The following FERRY3 variants were observed in gnomAD, a reference collection of about 807,000 sequenced individuals.
FERRY3 encodes protein C12orf4.
chr12:4,493,758 A>T, the FERRY3 span, among the ~76,000 whole-genome samples: 1 of 152,120 alleles, frequency 6.6e-6, no homozygotes, highest in Non-Finnish European at 1.5e-5. Flanking sequence ...ACTTCCTCCT[A>T]GTGAAAAGAT....
the FERRY3 span, among the ~76,000 whole-genome samples, chr12:4,532,845 A>G: frequency 1.3e-4 from 20 of 152,226 alleles, no homozygotes; most frequent in South Asian, 3.7e-3. Flanking sequence ...GATGTACCTT[A>G]TATTACCCAC....
the FERRY3 span, among the ~76,000 whole-genome samples, chr12:4,493,742 T>G: frequency 2.6e-5 from 4 of 152,186 alleles, no homozygotes; most frequent in African/African-American, 7.2e-5. Context: ...TTGGTTTTTT[T>G]GTATTACTTC....
chr12:4,537,358 C>T, the FERRY3 span, among the ~76,000 whole-genome samples: 1 of 152,174 alleles, frequency 6.6e-6, no homozygotes, highest in Non-Finnish European at 1.5e-5. Context: ...AATCATGGCA[C>T]TTATCACGCT....
At chr12:4,489,601 G>T in the FERRY3 span, 1 of 370,210 alleles carries the variant, frequency 2.7e-6, no homozygotes, top group Non-Finnish European at 4.9e-6. Flanking sequence ...TTCATAAAGA[G>T]ACTTTAAGTG....
At chr12:4,517,303 A>T in the FERRY3 span, 1 of 1,118,314 alleles carries the variant, frequency 8.9e-7, no homozygotes, top group Non-Finnish European at 1.2e-6. Flanking sequence ...TCTTAATAAG[A>T]TTTCTTATAC....
the FERRY3 span, chr12:4,525,151 G>A: frequency 1.4e-6 from 2 of 1,385,834 alleles, no homozygotes; most frequent in Non-Finnish European, 2.0e-6. Context: ...ACTTTCACTA[G>A]CAAATTAAAA....
At chr12:4,500,428 T>A in the FERRY3 span, 15 of 1,179,794 alleles carry the variant, frequency 1.3e-5, no homozygotes, top group Non-Finnish European at 1.5e-5. Context: ...TAATGGGCAA[T>A]CAATGTGTTG....
the FERRY3 span, among the ~76,000 whole-genome samples, chr12:4,491,755 G>C: frequency 6.6e-6 from 1 of 152,132 alleles, no homozygotes; most frequent in Non-Finnish European, 1.5e-5. Context: ...CCAAAACACT[G>C]ATAATCTTCC....
At chr12:4,534,323 A>G in the FERRY3 span, 1 of 1,574,626 alleles carries the variant, frequency 6.4e-7, no homozygotes, top group Non-Finnish European at 8.6e-7. Context: ...GACATCAAAC[A>G]CCATCGTCAG....
the FERRY3 span, among the ~76,000 whole-genome samples, chr12:4,532,986 A>G: frequency 6.6e-6 from 1 of 152,196 alleles, no homozygotes; most frequent in Non-Finnish European, 1.5e-5. Flanking sequence ...CTTGGCCTCA[A>G]TGATGCCTGG....
chr12:4,493,163 A>G, the FERRY3 span, among the ~76,000 whole-genome samples: 32 of 152,240 alleles, frequency 2.1e-4, 1 homozygote, highest in East Asian at 6.0e-3. Context: ...CTGAACTCCC[A>G]AAGTACTTTA....
the FERRY3 span, among the ~76,000 whole-genome samples, chr12:4,501,552 C>T: frequency 1.2e-4 from 18 of 152,258 alleles, no homozygotes; most frequent in African/African-American, 4.3e-4. Flanking sequence ...ATTAGATTCT[C>T]ACAGGAGCAC....
the FERRY3 span, among the ~76,000 whole-genome samples, chr12:4,516,843 A>C: frequency 6.6e-6 from 1 of 152,178 alleles, no homozygotes; most frequent in East Asian, 1.9e-4. Context: ...CTGTACATGC[A>C]CCCTGGAACT....
At chr12:4,534,944 G>A in the FERRY3 span, among the ~76,000 whole-genome samples, 4 of 152,192 alleles carry the variant, frequency 2.6e-5, no homozygotes, top group African/African-American at 9.6e-5. Context: ...TAAAGAAAAT[G>A]CTACAGATTT....
chr12:4,496,609 ATGAAAT>A, the FERRY3 span, among the ~76,000 whole-genome samples: 8 of 152,204 alleles, frequency 5.3e-5, no homozygotes, highest in Non-Finnish European at 8.8e-5. Flanking sequence ...ACCTATGAAA[ATGAAAT>A]TGAAATCTCA....
chr12:4,516,920 T>G, the FERRY3 span: 4 of 820,760 alleles, frequency 4.9e-6, no homozygotes, highest in Admixed American at 1.3e-4. Flanking sequence ...TCTTTCTAAA[T>G]AGAAAAAACT....
chr12:4,513,645 A>C, the FERRY3 span, among the ~76,000 whole-genome samples: 1 of 152,216 alleles, frequency 6.6e-6, no homozygotes, highest in Non-Finnish European at 1.5e-5. Context: ...CAATGGGGAA[A>C]GGATTCCCTA....
chr12:4,521,142 C>A, the FERRY3 span, among the ~76,000 whole-genome samples: 4 of 152,070 alleles, frequency 2.6e-5, no homozygotes, highest in African/African-American at 9.7e-5. Context: ...GGGCGAATCA[C>A]GAGATCAGGA....
the FERRY3 span, among the ~76,000 whole-genome samples, chr12:4,494,547 G>T: frequency 6.6e-6 from 1 of 152,066 alleles, no homozygotes; most frequent in South Asian, 2.1e-4. Context: ...TTTTCTATAC[G>T]AATACCCAGT....
Sources: allele counts gnomAD v4.1 joint callset (sites outside exome capture counted in the v4.1 genomes callset), GRCh38; gene constraint gnomAD v4.1.1; transcripts MANE v1.5; gene names NCBI Gene and HGNC (gene_info 2026-07-23, HGNC 2026-07-21).